EYA2: variants seen among roughly 807,000 people sequenced by gnomAD.
EYA2 encodes the protein protein phosphatase EYA2.
Under a neutral mutation model 69.2 loss-of-function variants are expected in EYA2, and 31 were observed. The observed-to-expected ratio is 0.45, with a 90% confidence interval of 0.34 to 0.60. EYA2 has a LOEUF of 0.60. Ranked by LOEUF, EYA2 falls within the 20% of genes least tolerant of loss-of-function variation. The pLI, the probability that EYA2 is intolerant of heterozygous loss-of-function variation, is 0.02. For missense variants in EYA2, 622 were observed against 701.2 expected, an observed-to-expected ratio of 0.89 and a Z score of 1.28; for synonymous variants, 257 against 279.4, an observed-to-expected ratio of 0.92 and a Z score of 0.80.
At position 46,918,375 on chromosome 20, in the gene EYA2, C is replaced by G. The variant is rs1985022104; in HGVS notation, c.-11+23388C>G. ...CCAAGCTGATGTGCAATGGCACGAT[C>G]TCGGCTCACTGCAACCTCTACCTCT... On this transcript the variant is annotated intron_variant, in intron 1 of 15. Coordinates refer to ENST00000327619, the MANE Select transcript of EYA2 (RefSeq NM_005244.5). Among the ~76,000 whole-genome samples the G allele has an allele frequency of 3.3e-5, 5 of 151,876 alleles. No individual in the cohort carries two copies. The South Asian group carries it at 1.0e-3, about 32-fold the overall frequency.
intron 9 of EYA2, among the ~76,000 whole-genome samples, chr20:47,136,985 G>T (rs767513340): frequency 3.4e-4 from 52 of 152,038 alleles, no homozygotes; most frequent in Non-Finnish European, 6.8e-4. Flanking sequence ...TTCGCCTCAA[G>T]AGAACCACCC....
chr20:47,008,738 C>G (rs1423023194), intron 4 of EYA2, among the ~76,000 whole-genome samples: 1 of 152,174 alleles, frequency 6.6e-6, no homozygotes, highest in African/African-American at 2.4e-5. Flanking sequence ...AGATTCACAT[C>G]CCACCCTTGC....
At chr20:47,013,266 A>C (rs1468882944) in intron 4 of EYA2, among the ~76,000 whole-genome samples, 1 of 152,128 alleles carries the variant, frequency 6.6e-6, no homozygotes, top group Admixed American at 6.5e-5. Context: ...CAGGCAGGAG[A>C]ACTGCATGCT....
intron 1 of EYA2, among the ~76,000 whole-genome samples, chr20:46,948,736 G>A (rs921090507): frequency 1.3e-5 from 2 of 152,110 alleles, no homozygotes; most frequent in Non-Finnish European, 2.9e-5. Context: ...TGTTTAATTC[G>A]TAAAAGGTTG....
chr20:47,128,812 A>T (rs774371887), intron 9 of EYA2, among the ~76,000 whole-genome samples: 9 of 152,162 alleles, frequency 5.9e-5, no homozygotes, highest in Non-Finnish European at 1.3e-4. Flanking sequence ...GTTCACACAT[A>T]TTCATATATT....
At chr20:46,932,322 G>C (rs1427060315) in intron 1 of EYA2, among the ~76,000 whole-genome samples, 1 of 152,038 alleles carries the variant, frequency 6.6e-6, no homozygotes, top group Non-Finnish European at 1.5e-5. Context: ...TCCAAGCCTA[G>C]TGCCACCACC....
At chr20:46,963,035 A>G (rs1189639232) in intron 1 of EYA2, among the ~76,000 whole-genome samples, 1 of 152,128 alleles carries the variant, frequency 6.6e-6, no homozygotes, top group Non-Finnish European at 1.5e-5. Flanking sequence ...ACCCCGTGGG[A>G]TGACGGCAAG....
At chr20:46,942,371 C>G (rs190466915) in intron 1 of EYA2, among the ~76,000 whole-genome samples, 1 of 152,042 alleles carries the variant, frequency 6.6e-6, no homozygotes, top group African/African-American at 2.4e-5. Flanking sequence ...CCACCCCTAG[C>G]TAATTTTTGT....
chr20:47,033,516 G>A (rs139918113), intron 5 of EYA2, among the ~76,000 whole-genome samples: 8 of 152,288 alleles, frequency 5.3e-5, no homozygotes, highest in East Asian at 1.9e-4. Context: ...AATCCATCCC[G>A]GGGCCTGGGT....
At chr20:47,167,921 G>A (rs954970608) in intron 10 of EYA2, among the ~76,000 whole-genome samples, 1 of 152,152 alleles carries the variant, frequency 6.6e-6, no homozygotes, top group Non-Finnish European at 1.5e-5. Context: ...GTCCTGACTG[G>A]ATCCAGGGGA....
At chr20:47,009,546 G>A (rs1040176775) in intron 4 of EYA2, among the ~76,000 whole-genome samples, 3 of 152,168 alleles carry the variant, frequency 2.0e-5, no homozygotes, top group African/African-American at 7.2e-5. Context: ...ATAAAGGGAG[G>A]TGGCTTTCCT....
At chr20:47,055,303 T>C (rs1329360009) in intron 5 of EYA2, among the ~76,000 whole-genome samples, 1 of 152,234 alleles carries the variant, frequency 6.6e-6, no homozygotes, top group East Asian at 1.9e-4. Context: ...CTGGTCTTTA[T>C]GGGTTACCAT....
At chr20:46,946,457 A>T (rs1024817900) in intron 1 of EYA2, among the ~76,000 whole-genome samples, 7 of 152,154 alleles carry the variant, frequency 4.6e-5, no homozygotes, top group Non-Finnish European at 8.8e-5. Flanking sequence ...TATTAAAAAT[A>T]TCATTGTGCG....
intron 1 of EYA2, among the ~76,000 whole-genome samples, chr20:46,897,778 A>G (rs1271482260): frequency 1.3e-5 from 2 of 152,172 alleles, no homozygotes; most frequent in East Asian, 1.9e-4. Context: ...TGCCTTTCCT[A>G]AGTATCCACG....
At chr20:47,043,171 T>C (rs560246522) in intron 5 of EYA2, among the ~76,000 whole-genome samples, 1 of 152,306 alleles carries the variant, frequency 6.6e-6, no homozygotes, top group African/African-American at 2.4e-5. Flanking sequence ...GTATGAATGT[T>C]ATATTTTTCC....
At position 46,987,960 on chromosome 20, in the gene EYA2, CTCTCTATATA is replaced by C. The variant is rs1385682862; in HGVS notation, c.-10-2039_-10-2030del. Among the ~76,000 whole-genome samples, 20 of 24,074 alleles carry C rather than the reference CTCTCTATATA, an allele frequency of 8.3e-4. No individual in the cohort carries two copies. The East Asian group carries it at 8.6e-3, about 10-fold the overall frequency. The allele number at this position is 24,074 out of a possible 152,430, so 15.8% of individuals were successfully genotyped here. A position where few individuals can be genotyped will look rare whatever the true frequency, so the allele number is the denominator to read the frequency against. Reference sequence around the variant, plus strand: ...TCTCTCTCTCTCTCTCTCTCTCTCTCTCTCTATATATATATATATATATATATATATATAT... The same window carrying C: ...TCTCTCTCTCTCTCTCTCTCTCTCTCTATATATATATATATATATATATAT... On this transcript the variant is annotated intron_variant, in intron 1 of 15. Transcript: ENST00000327619.
intron 1 of EYA2, among the ~76,000 whole-genome samples, chr20:46,964,530 A>G (rs1210353100): frequency 6.6e-6 from 1 of 152,078 alleles, no homozygotes; most frequent in African/African-American, 2.4e-5. Flanking sequence ...TTTGCCTCCA[A>G]CCCCTCCCTG....
intron 10 of EYA2, among the ~76,000 whole-genome samples, chr20:47,154,214 T>C (rs1217330662): frequency 6.6e-6 from 1 of 151,958 alleles, no homozygotes; most frequent in African/African-American, 2.4e-5. Context: ...CCTCAATGCA[T>C]GTACATGGAG....
chr20:46,907,838 A>ACAAG, intron 1 of EYA2, among the ~76,000 whole-genome samples: 1 of 87,926 alleles, frequency 1.1e-5, no homozygotes, highest in African/African-American at 2.9e-5. Flanking sequence ...CCATCTGAAA[A>ACAAG]CAAACAAACA....
Sources: gnomAD v4.1 joint callset for allele counts (sites outside exome capture counted in the v4.1 genomes callset) on GRCh38, gnomAD v4.1.1 for gene constraint, MANE v1.5 for transcripts, NCBI Gene and HGNC (gene_info 2026-07-23, HGNC 2026-07-21) for gene names.